Variants in DNAH12 observed in about 807,000 individuals in gnomAD.
DNAH12 encodes the protein axonemal beta dynein heavy chain 12.
Under a neutral mutation model 371.5 loss-of-function variants are expected in DNAH12, and 285 were observed. The ratio of observed to expected loss-of-function variants is 0.77; its 90% confidence interval spans 0.70 to 0.85. The LOEUF is 0.85. Among genes scored for constraint, DNAH12 ranks in the 40% least tolerant of loss-of-function variants. DNAH12 has a pLI of 0.00. For missense variants in DNAH12, 3,611 were observed against 3,689.4 expected, an observed-to-expected ratio of 0.98 and a Z score of 0.55; for synonymous variants, 1,200 against 1,213.0, an observed-to-expected ratio of 0.99 and a Z score of 0.22.
intron 44 of DNAH12, among the ~76,000 whole-genome samples, chr3:57,392,918 GGA>G (rs1398392338): frequency 6.6e-6 from 1 of 152,128 alleles, no homozygotes; most frequent in Non-Finnish European, 1.5e-5. Context: ...CTATAAATCA[GGA>G]GAGTACCACT....
chr3:57,443,308 C>T (rs2065368715), intron 29 of DNAH12, among the ~76,000 whole-genome samples: 2 of 152,168 alleles, frequency 1.3e-5, no homozygotes, highest in East Asian at 3.9e-4. Context: ...CAGGGTTTCA[C>T]CATGTTGGCC....
chr3:57,405,109 A>G lies in DNAH12; in HGVS notation c.6615T>C (p.Asp2205=). ...EEDLRNLMFG[D]YMNPDLEGDD... is the part of the protein sequence containing the mutation. ...CTCCTTCAAGGTCAGGATTCATATA[A>G]TCACCAAACATGAGATTTCTTAAGT... The change falls in exon 42 of 74, where the codon GAT becomes GAC. Residue 2205 remains aspartate, a synonymous_variant. Transcript: ENST00000495027. The G allele has an allele frequency of 6.5e-7, 1 of 1,539,420 alleles. No individual in the cohort carries two copies. The highest frequency in any genetic ancestry group is 8.7e-7 in the Non-Finnish European group (1 of 1,143,700).
At chr3:57,392,394 T>G (rs1293797026) in intron 44 of DNAH12, among the ~76,000 whole-genome samples, 2 of 152,152 alleles carry the variant, frequency 1.3e-5, no homozygotes, top group African/African-American at 4.8e-5. Context: ...AGTAAGGAAC[T>G]AGTTATAAAT....
At chr3:57,348,376 A>G (rs1179949261) in intron 60 of DNAH12, among the ~76,000 whole-genome samples, 1 of 152,246 alleles carries the variant, frequency 6.6e-6, no homozygotes, top group Non-Finnish European at 1.5e-5. Context: ...CTGAATAAAT[A>G]GAACACAGAG....
At chr3:57,374,091 A>G (rs988897988) in intron 55 of DNAH12, among the ~76,000 whole-genome samples, 3 of 152,210 alleles carry the variant, frequency 2.0e-5, no homozygotes, top group African/African-American at 7.2e-5. Flanking sequence ...GTGATATCCT[A>G]TTCTACAATT....
chr3:57,381,614 A>T (rs2063392454), intron 50 of DNAH12, among the ~76,000 whole-genome samples: 1 of 152,108 alleles, frequency 6.6e-6, no homozygotes, highest in Non-Finnish European at 1.5e-5. Context: ...TTTTAATGGA[A>T]TTCCACACAT....
In DNAH12 at chr3:57,432,284, C is replaced by G. The variant is rs573228203; in HGVS notation, c.4980+1083G>C. Among the ~76,000 whole-genome samples, 6 of 150,790 alleles carry G rather than the reference C, an allele frequency of 4.0e-5. No homozygotes were observed. The South Asian group carries it at 6.3e-4, about 16-fold the overall frequency. ...TCCTGGGTTCAAGTGATTCTCCTGC[C>G]TCAGCCTCCTGAGTAGCTGGGATTA... On this transcript the variant is annotated intron_variant, in intron 32 of 73. Coordinates refer to ENST00000495027, the MANE Select transcript of DNAH12 (RefSeq NM_001366028.2).
chr3:57,394,235 C>G lies in DNAH12; in HGVS notation c.7046G>C (p.Ser2349Thr), dbSNP rs2063691792. 6.6e-6 allele frequency: 1 copy of G among 152,206 alleles called. No homozygotes were observed. Among genetic ancestry groups the G allele is most frequent in the Admixed American group, 6.5e-5 (1 of 15,284 alleles). 9.4% of individuals were successfully genotyped at this position (152,206 alleles called of 1,614,324 possible). ...KEEAFLEDID[S>T]VLNTGEVPNI... ...AGGCACTTCTCCTGTATTGAGCACACTGTCGATATCCTCTAGGAAAGCTTC... is the reference window on the plus strand; with the variant it reads ...AGGCACTTCTCCTGTATTGAGCACAGTGTCGATATCCTCTAGGAAAGCTTC... The change falls in exon 44 of 74, where the codon AGT (serine) becomes ACT (threonine). Residue 2349 changes from serine to threonine, a missense_variant. Transcript: ENST00000495027.
chr3:57,455,356 G>C (rs1404496269), intron 22 of DNAH12, among the ~76,000 whole-genome samples: 3 of 151,860 alleles, frequency 2.0e-5, no homozygotes, highest in South Asian at 2.1e-4. Flanking sequence ...CTGAGGTCAG[G>C]AGTTCGAGAC....
intron 8 of DNAH12, 104 bp downstream of exon 8, chr3:57,507,539 T>G (rs1475744666): frequency 3.7e-6 from 3 of 816,576 alleles, no homozygotes; most frequent in Non-Finnish European, 5.2e-6. Context: ...AGAAATATTT[T>G]ATTTCAAAAT....
At chr3:57,386,756 TACC>T (rs1307541791) in intron 46 of DNAH12, among the ~76,000 whole-genome samples, 153 bp from the exon 47 acceptor site, 5 of 152,318 alleles carry the variant, frequency 3.3e-5, no homozygotes, top group Admixed American at 6.5e-5. Flanking sequence ...TCCTACATAT[TACC>T]ACATTATAAT....
intron 44 of DNAH12, among the ~76,000 whole-genome samples, chr3:57,392,618 AAC>A (rs1174338885): frequency 1.3e-5 from 2 of 152,072 alleles, no homozygotes; most frequent in East Asian, 1.9e-4. Context: ...ACAACAAAAA[AAC>A]ACACACACAG....
chr3:57,326,984 G>C (rs1333799096), intron 62 of DNAH12, among the ~76,000 whole-genome samples: 1 of 152,152 alleles, frequency 6.6e-6, no homozygotes, highest in African/African-American at 2.4e-5. Flanking sequence ...TAATGGTAAA[G>C]GGATCAATTC....
chr3:57,461,773 A>G, intron 18 of DNAH12, 84 bp from the exon 19 acceptor site: 1 of 1,084,452 alleles, frequency 9.2e-7, no homozygotes, highest in Non-Finnish European at 1.3e-6. Context: ...GAATTCAGTA[A>G]GAATTTGATG....
chr3:57,310,812 A>G lies in DNAH12; in HGVS notation c.10801T>C (p.Tyr3601His), dbSNP rs1331755778. The change falls in exon 67 of 74, where the codon TAC (tyrosine) becomes CAC (histidine). Residue 3601 changes from tyrosine (Y) to histidine (H), a missense_variant. Around this residue, in one of 3 missense-constraint regions of DNAH12, gnomAD observed 2,266 missense variants for 2,236.9 expected, o/e 1.01. Coordinates refer to ENST00000495027, the MANE Select transcript of DNAH12 (RefSeq NM_001366028.2). ...LTMLADFYNL[Y>H]IVENPHYKFS... Reference sequence around the variant, plus strand: ...TTATAATGAGGGTTTTCAACTATGTACAGATTATAAAAGTCAGCCAGCATG... The same window carrying G: ...TTATAATGAGGGTTTTCAACTATGTGCAGATTATAAAAGTCAGCCAGCATG... 8 of 1,551,574 alleles carry G rather than the reference A, an allele frequency of 5.2e-6. No homozygotes were observed. In the Middle Eastern group the frequency reaches 5.0e-4, roughly 97 times the overall value.
chr3:57,326,810 A>G (rs1226516978), intron 62 of DNAH12, among the ~76,000 whole-genome samples: 3 of 152,164 alleles, frequency 2.0e-5, no homozygotes, highest in Non-Finnish European at 4.4e-5. Context: ...GTATTCAGGA[A>G]ACCCATCTCA....
In DNAH12 at chr3:57,483,192, C is replaced by A. The variant is rs138054047; in HGVS notation, c.1650+184G>T. Among the ~76,000 whole-genome samples, 271 of 151,584 alleles carry A rather than the reference C, an allele frequency of 1.8e-3. 1 individual carries two copies. The highest frequency in any genetic ancestry group is 6.3e-3 in the African/African-American group (260 of 41,302). On this transcript the variant is annotated intron_variant, in intron 13 of 73. Coordinates refer to ENST00000495027, the MANE Select transcript of DNAH12 (RefSeq NM_001366028.2). The stretch of plus-strand genomic sequence containing the variant: ...GGACAGGGGAGAAGGAGAGGCATGG[C>A]GATCAGAAAGTTATATGCAGAGTCC...
intron 55 of DNAH12, among the ~76,000 whole-genome samples, chr3:57,372,576 A>C (rs1012715084): frequency 6.6e-6 from 1 of 152,100 alleles, no homozygotes; most frequent in East Asian, 1.9e-4. Context: ...GACAGAAAAG[A>C]GAATTATACT....
intron 2 of DNAH12, among the ~76,000 whole-genome samples, chr3:57,526,390 A>T (rs1371744931): frequency 6.6e-6 from 1 of 151,772 alleles, no homozygotes; most frequent in Non-Finnish European, 1.5e-5. Flanking sequence ...TTATCCATTC[A>T]TCTGGGTTTT....
Sources: allele counts gnomAD v4.1 joint callset (sites outside exome capture counted in the v4.1 genomes callset), GRCh38; gene constraint gnomAD v4.1.1; regional missense constraint gnomAD v4.1.1; transcripts MANE v1.5; gene names NCBI Gene and HGNC (gene_info 2026-07-23, HGNC 2026-07-21).